The following POF1B variants were observed in gnomAD, a reference collection of about 807,000 sequenced individuals.
The protein encoded by POF1B is protein POF1B.
A neutral mutation model predicts 55.3 loss-of-function variants in POF1B; 53 were observed. That is an observed-to-expected ratio of 0.96 (90% CI 0.77 to 1.20). The LOEUF (loss-of-function observed/expected upper bound fraction) is 1.20. Ranked by LOEUF, POF1B falls within the 50% of genes most tolerant of loss-of-function variation. The pLI, the probability that POF1B is intolerant of heterozygous loss-of-function variation, is 0.00. For missense variants in POF1B, 478 were observed against 420.5 expected (o/e 1.14, Z -1.20); for synonymous variants, 188 against 148.3 (o/e 1.27, Z -1.95).
At chrX:85,300,841 G>T (rs188548141) in intron 15 of POF1B, among the ~76,000 whole-genome samples, 149 of 111,738 alleles carry the variant, frequency 1.3e-3, no homozygotes, top group African/African-American at 4.6e-3. Flanking sequence ...TAAAGAAAGA[G>T]AAATTACTTT....
At chrX:85,315,390 T>A (rs1480974515) in intron 8 of POF1B, among the ~76,000 whole-genome samples, 2 of 111,128 alleles carry the variant, frequency 1.8e-5, no homozygotes, top group Non-Finnish European at 3.8e-5. Flanking sequence ...ACATCTCTTG[T>A]ACCCCATAAA....
Position 85,350,495 on chromosome X carries a change from G to A in POF1B, c.540+855C>T, listed in dbSNP as rs762836936. ...GTGAATAGTGCTGCAATAAACATAC[G>A]TGTGCATGTGTCTTTATAGCAGCAT... On this transcript the variant is annotated intron_variant, in intron 5 of 16. Transcript: ENST00000262753. 3.1e-3 allele frequency among the ~76,000 whole-genome samples: 342 copies of A among 110,573 alleles called. 1 individual carries two copies. Among genetic ancestry groups the A allele is most frequent in the Middle Eastern group, 9.3e-3 (2 of 216 alleles).
intron 2 of POF1B, among the ~76,000 whole-genome samples, chrX:85,376,933 AAAAAC>A (rs374509714): frequency 1.8e-5 from 2 of 111,584 alleles, no homozygotes; most frequent in East Asian, 2.8e-4. Context: ...CCAAAAGGCA[AAAAAC>A]AAAACAAAAC....
In POF1B at chrX:85,307,301, G is replaced by A. The variant is rs751865119; in HGVS notation, c.1051-25C>T. On this transcript the variant is annotated intron_variant, in intron 10 of 16. Coordinates refer to ENST00000262753, the MANE Select transcript of POF1B (RefSeq NM_024921.4). ...ACTAGAAGCATAAATTATTTATTAT[G>A]ATTCAGAATTGCAAAAACTTAACAG... is the stretch of plus-strand genomic sequence containing the variant. 3.5e-5 allele frequency: 37 copies of A among 1,061,191 alleles called. No homozygotes were observed. In the South Asian group the frequency reaches 8.1e-4, roughly 23 times the overall value. The allele number at this position is 1,061,191 out of a possible 1,213,427, so 87.5% of individuals were successfully genotyped here. A position where few individuals can be genotyped will look rare whatever the true frequency, so the allele number is the denominator to read the frequency against.
At chrX:85,336,792 T>A (rs1318309150) in intron 6 of POF1B, among the ~76,000 whole-genome samples, 1 of 111,803 alleles carries the variant, frequency 8.9e-6, no homozygotes, top group African/African-American at 3.2e-5. Context: ...ACAGAAGATT[T>A]TAACTTGATG....
intron 5 of POF1B, among the ~76,000 whole-genome samples, chrX:85,348,280 T>C (rs916490598): frequency 9.0e-6 from 1 of 111,164 alleles, no homozygotes; most frequent in Admixed American, 9.6e-5. Context: ...TGTTCATATA[T>C]TCATCATATT....
intron 7 of POF1B, among the ~76,000 whole-genome samples, chrX:85,318,963 T>C (rs1244295093): frequency 8.9e-6 from 1 of 112,034 alleles, no homozygotes; most frequent in Non-Finnish European, 1.9e-5. Context: ...TTGGGCAGTA[T>C]TGCCATTTTG....
chrX:85,360,649 T>C (rs955055095), intron 3 of POF1B, among the ~76,000 whole-genome samples: 3 of 105,070 alleles, frequency 2.9e-5, no homozygotes, highest in African/African-American at 1.1e-4. Flanking sequence ...GCAATGAACA[T>C]TCATGTACAT....
intron 4 of POF1B, among the ~76,000 whole-genome samples, chrX:85,351,667 ATTTTACTAAGCCTAATAACGTCT>A (rs1359358421): frequency 9.0e-6 from 1 of 110,609 alleles, no homozygotes; most frequent in African/African-American, 3.3e-5. Flanking sequence ...CTCCTATTAC[ATTTTACTAAGCCTAATAACGTCT>A]TTTGTGGAGA....
intron 3 of POF1B, 81 bp from the exon 4 acceptor site, chrX:85,359,711 T>C: frequency 1.5e-6 from 1 of 645,197 alleles, no homozygotes; most frequent in South Asian, 2.8e-5. Flanking sequence ...GGGAACAATT[T>C]CCAGGGTTAA....
At chrX:85,369,006 T>G (rs1281123606) in intron 2 of POF1B, among the ~76,000 whole-genome samples, 1 of 111,944 alleles carries the variant, frequency 8.9e-6, no homozygotes, top group Non-Finnish European at 1.9e-5. Context: ...AATGTAGGTG[T>G]TACATGTATT....
intron 6 of POF1B, among the ~76,000 whole-genome samples, chrX:85,342,402 C>T (rs914288943): frequency 1.4e-4 from 16 of 111,338 alleles, no homozygotes; most frequent in South Asian, 3.7e-4. Context: ...GAAACATTTG[C>T]GACCCAGAGT....
chrX:85,320,435 G>C (rs1038859970), intron 7 of POF1B, among the ~76,000 whole-genome samples: 1 of 110,293 alleles, frequency 9.1e-6, no homozygotes, highest in African/African-American at 3.3e-5. Context: ...GGGACACATT[G>C]AAAACAGTGT....
chrX:85,306,419 C>G, intron 11 of POF1B, 86 bp from the exon 12 acceptor site: 5 of 957,750 alleles, frequency 5.2e-6, no homozygotes, highest in Non-Finnish European at 7.2e-6. Context: ...TCAATTGAAT[C>G]AAGTAAATAT....
chrX:85,354,365 A>G (rs759963608), intron 4 of POF1B, among the ~76,000 whole-genome samples: 1 of 111,167 alleles, frequency 9.0e-6, no homozygotes, highest in Admixed American at 9.6e-5. Context: ...TGAGTACCAC[A>G]TAGTGAAGGA....
intron 2 of POF1B, among the ~76,000 whole-genome samples, chrX:85,371,139 C>T (rs186398835): frequency 1.3e-3 from 144 of 111,282 alleles, no homozygotes; most frequent in African/African-American, 4.4e-3. Flanking sequence ...TAATACTGGT[C>T]AACTCATGTT....
rs1175340221 is a variant in POF1B, at chrX:85,277,958, G to A, written c.*1463C>T. The A allele has an allele frequency of 6.4e-5, 7 of 109,826 alleles. No homozygotes were observed. The highest frequency in any genetic ancestry group is 2.3e-4 in the African/African-American group (7 of 30,295). The allele number at this position is 109,826 out of a possible 1,213,427, so 9.1% of individuals were successfully genotyped here. ...ACTCCTCCGTTGTTCCTACACCAAG[G>A]GAAAAAATGTAAGGACTGTATAGCT... On this transcript the variant is annotated 3_prime_UTR_variant, in exon 17 of 17. Coordinates refer to ENST00000262753, the MANE Select transcript of POF1B (RefSeq NM_024921.4).
intron 7 of POF1B, among the ~76,000 whole-genome samples, chrX:85,322,979 AC>A (rs1369935423): frequency 7.7e-4 from 85 of 109,692 alleles, no homozygotes; most frequent in South Asian, 2.0e-3. Context: ...AAATAGGAAC[AC>A]TTTTACACTG....
At chrX:85,289,052 T>G (rs1175557139) in intron 15 of POF1B, among the ~76,000 whole-genome samples, 1 of 110,914 alleles carries the variant, frequency 9.0e-6, no homozygotes, top group Non-Finnish European at 1.9e-5. Flanking sequence ...GGCTGGAGGC[T>G]CTAGAATACA....
Sources: gnomAD v4.1 joint callset for allele counts (sites outside exome capture counted in the v4.1 genomes callset) on GRCh38, gnomAD v4.1.1 for gene constraint, MANE v1.5 for transcripts, NCBI Gene and HGNC (gene_info 2026-07-23, HGNC 2026-07-21) for gene names.